PML: variants seen among roughly 807,000 people sequenced by gnomAD.
PML encodes protein PML.
Under a neutral mutation model 65.2 loss-of-function variants are expected in PML, and 28 were observed. That is an observed-to-expected ratio of 0.43 (90% CI 0.32 to 0.59). The LOEUF is 0.59. Ranked by LOEUF, PML falls within the 20% of genes least tolerant of loss-of-function variation. The probability of loss-of-function intolerance (pLI) is 0.08; values close to 1 mark genes in which losing one functional copy is unlikely to be tolerated. For missense variants in PML, 1,021 were observed against 1,203.4 expected (o/e 0.85, Z 2.24); for synonymous variants, 500 against 508.8 (o/e 0.98, Z 0.23).
At chr15:74,007,112 G>A (rs1462292221) in intron 2 of PML, among the ~76,000 whole-genome samples, 4 of 152,174 alleles carry the variant, frequency 2.6e-5, no homozygotes, top group East Asian at 1.9e-4. Flanking sequence ...TTCCATCTTC[G>A]TGGCTGTAAA....
In PML at chr15:74,035,307, A is replaced by G. The variant is rs1263056585; in HGVS notation, c.1710+777A>G. ...AGGAGCCTCCAGCCTGCCCTGTGGCACATACCACCCCCCAGCTTGGCCTCC... is the reference window on the plus strand; with the variant it reads ...AGGAGCCTCCAGCCTGCCCTGTGGCGCATACCACCCCCCAGCTTGGCCTCC... On this transcript the variant is annotated intron_variant, in intron 7 of 8. Transcript: ENST00000268058. The surrounding 1 kb of genome is among the most constrained non-coding windows in gnomAD (Gnocchi z 4.1). The G allele has an allele frequency of 1.2e-6, 2 of 1,612,978 alleles. No homozygotes were observed. Among genetic ancestry groups the G allele is most frequent in the East Asian group, 4.5e-5 (2 of 44,836 alleles).
chr15:74,020,721 C>T (rs1405717294), intron 2 of PML, among the ~76,000 whole-genome samples: 2 of 152,128 alleles, frequency 1.3e-5, no homozygotes, highest in Non-Finnish European at 2.9e-5. Context: ...TGTCAGCAGG[C>T]TTTGCTCCTT....
chr15:74,043,496 C>A lies in PML; in HGVS notation c.1861+357C>A. 1.7e-6 allele frequency: 1 copy of A among 577,518 alleles called. No homozygotes were observed. The highest frequency in any genetic ancestry group is 2.2e-6 in the Non-Finnish European group (1 of 457,042). 35.8% of individuals were successfully genotyped at this position (577,518 alleles called of 1,614,324 possible). A position where few individuals can be genotyped will look rare whatever the true frequency, so the allele number is the denominator to read the frequency against. On this transcript the variant is annotated intron_variant, in intron 8 of 8. Transcript: ENST00000268058. This position sits in a 1 kb window ranked among gnomAD's most constrained non-coding sequence, Gnocchi z 4.3. Reference sequence around the variant, plus strand: ...CCTGTCATCCAAGTAAGGCCTCTGGCTGTGCTACACGTTTCTGAGTAGAGG... The same window carrying A: ...CCTGTCATCCAAGTAAGGCCTCTGGATGTGCTACACGTTTCTGAGTAGAGG...
chr15:74,035,430 T>A lies in PML; in HGVS notation c.1710+900T>A. On this transcript the variant is annotated intron_variant, in intron 7 of 8. Coordinates refer to ENST00000268058, the MANE Select transcript of PML (RefSeq NM_033238.3). This position sits in a 1 kb window ranked among gnomAD's most constrained non-coding sequence, Gnocchi z 4.1. The stretch of plus-strand genomic sequence containing the variant: ...CCCTGCCGTCCACCGTGGGATCCGC[T>A]ACCTGTTGTACAGAGCACAGAGAGC... 1.2e-6 allele frequency: 2 copies of A among 1,612,252 alleles called. No homozygotes were observed. The highest frequency in any genetic ancestry group is 1.7e-6 in the Non-Finnish European group (2 of 1,179,990).
At position 74,035,403 on chromosome 15, in the gene PML, C is replaced by T. The variant is rs200988291; in HGVS notation, c.1710+873C>T. 9 of 1,611,758 alleles carry T rather than the reference C, an allele frequency of 5.6e-6. No individual in the cohort carries two copies. The highest frequency in any genetic ancestry group is 2.2e-5 in the South Asian group (2 of 91,078). ...CAGCGAGCCTCCTGATCACCAGGAG[C>T]GCCCTGCCGTCCACCGTGGGATCCG... is the stretch of plus-strand genomic sequence containing the variant. On this transcript the variant is annotated intron_variant, in intron 7 of 8. Transcript: ENST00000268058. The surrounding 1 kb of genome is among the most constrained non-coding windows in gnomAD (Gnocchi z 4.1).
chr15:74,023,807 C>A (rs896325302), intron 3 of PML, among the ~76,000 whole-genome samples: 1 of 152,112 alleles, frequency 6.6e-6, no homozygotes, highest in Admixed American at 6.5e-5. Context: ...CCTGGGGTTA[C>A]GGTAGAAGGG....
intron 2 of PML, among the ~76,000 whole-genome samples, chr15:74,019,051 T>G (rs897937330): frequency 3.9e-5 from 6 of 152,184 alleles, no homozygotes; most frequent in Non-Finnish European, 1.5e-5. Flanking sequence ...GATCTGCACC[T>G]CAGTCTTACC....
rs2141833339 is a variant in PML at position 74,022,906 on chromosome 15, C to T, written c.681C>T (p.Cys227=). Residue 227 remains cysteine, a synonymous_variant, in exon 3 of 9, where the codon TGC becomes TGT. Transcript: ENST00000268058. Reference sequence around the variant, plus strand: ...ACAGCAGCCACAGTGAGCTCAAGTGCGACATCAGCGCAGAGATCCAGCAGC... The same window carrying T: ...ACAGCAGCCACAGTGAGCTCAAGTGTGACATCAGCGCAGAGATCCAGCAGC... The part of the protein sequence containing the change: ...LLDSSHSELK[C]DISAEIQQRQ... The T allele has an allele frequency of 6.2e-7, 1 of 1,612,950 alleles. No homozygotes were observed. The highest frequency in any genetic ancestry group is 1.1e-5 in the South Asian group (1 of 90,898).
chr15:74,044,087 A>G, intron 8 of PML, 134 bp from the exon 9 acceptor site: 1 of 804,176 alleles, frequency 1.2e-6, no homozygotes, highest in Non-Finnish European at 2.1e-6. Flanking sequence ...TTGGGGGCTG[A>G]TGTGTGGCTA....
chr15:74,006,165 T>C (rs921055481), intron 2 of PML, among the ~76,000 whole-genome samples: 1 of 151,862 alleles, frequency 6.6e-6, no homozygotes, highest in Non-Finnish European at 1.5e-5. Context: ...CTGAGGTGGG[T>C]GGATCACCTG....
chr15:74,013,250 CTAA>C (rs1243446548), intron 2 of PML, among the ~76,000 whole-genome samples: 1 of 152,014 alleles, frequency 6.6e-6, no homozygotes, highest in Non-Finnish European at 1.5e-5. Flanking sequence ...TGCTCTATTA[CTAA>C]TAATATCACA....
At chr15:74,016,538 C>A (rs908719948) in intron 2 of PML, among the ~76,000 whole-genome samples, 16 of 151,910 alleles carry the variant, frequency 1.1e-4, no homozygotes, top group Admixed American at 1.0e-3. Flanking sequence ...CCATTGCTTC[C>A]TATTTAAAGT....
At chr15:74,033,452 C>T (rs543597564) in intron 6 of PML, 38 bp downstream of exon 6, 10 of 1,609,320 alleles carry the variant, frequency 6.2e-6, no homozygotes, top group East Asian at 2.2e-5. Context: ...GGGTGCTGCC[C>T]GCCAGGGTCT....
In PML at chr15:73,994,810, T is replaced by A; in HGVS notation, c.-3T>A. The A allele has an allele frequency of 3.2e-6, 5 of 1,552,438 alleles. No homozygotes were observed. Among genetic ancestry groups the A allele is most frequent in the Non-Finnish European group, 3.5e-6 (4 of 1,148,102 alleles). On this transcript the variant is annotated 5_prime_UTR_variant, in exon 1 of 9. Transcript: ENST00000268058. Reference sequence around the variant, plus strand: ...ACCGAGAATCGAAACTAAGCTGGGGTCCATGGAGCCTGCACCCGCCCGATC... The same window carrying A: ...ACCGAGAATCGAAACTAAGCTGGGGACCATGGAGCCTGCACCCGCCCGATC...
intron 2 of PML, among the ~76,000 whole-genome samples, chr15:74,005,958 T>C (rs2070025678): frequency 6.6e-6 from 1 of 152,186 alleles, no homozygotes; most frequent in African/African-American, 2.4e-5. Context: ...TGGTGTCAGC[T>C]TGTAAGTAGT....
In PML at chr15:74,047,071, A is replaced by T. The variant is rs1403193072; in HGVS notation, c.*2063A>T. ...TGGCAGGAAAGAAGCACCGATTTCA[A>T]GAATTACTTCCTAGAGAAAGTCAGG... On this transcript the variant is annotated 3_prime_UTR_variant, in exon 9 of 9. Coordinates refer to ENST00000268058, the MANE Select transcript of PML (RefSeq NM_033238.3). 4.3e-6 allele frequency: 1 copy of T among 230,288 alleles called. No homozygotes were observed. The highest frequency in any genetic ancestry group is 2.2e-5 in the African/African-American group (1 of 45,180). The allele number at this position is 230,288 out of a possible 1,614,324, so 14.3% of individuals were successfully genotyped here. A position where few individuals can be genotyped will look rare whatever the true frequency, so the allele number is the denominator to read the frequency against.
chr15:73,997,984 C>G lies in PML; in HGVS notation c.130-20C>G. 1 of 1,608,336 alleles carries G rather than the reference C, an allele frequency of 6.2e-7. No homozygotes were observed. The highest frequency in any genetic ancestry group is 8.5e-7 in the Non-Finnish European group (1 of 1,176,606). ...CTTTTGGGACTTCTCCAGGCCTCAC[C>G]TGCCTCTCTGGTCCCCCAGCGAGCC... On this transcript the variant is annotated intron_variant, in intron 1 of 8. Transcript: ENST00000268058.
Position 74,043,660 on chromosome 15 carries a change from C to G in PML, c.1861+521C>G, listed in dbSNP as rs1401491920. On this transcript the variant is annotated intron_variant, in intron 8 of 8. Coordinates refer to ENST00000268058, the MANE Select transcript of PML (RefSeq NM_033238.3). This position sits in a 1 kb window ranked among gnomAD's most constrained non-coding sequence, Gnocchi z 4.3. ...AAATGCCCCTCCTTGAGCCAGAGCC[C>G]CAGGCCCTACCCTGTGGCATGGACT... 1 of 518,408 alleles carries G rather than the reference C, an allele frequency of 1.9e-6. No homozygotes were observed. The highest frequency in any genetic ancestry group is 3.8e-6 in the Non-Finnish European group (1 of 263,182). 32.1% of individuals were successfully genotyped at this position (518,408 alleles called of 1,614,324 possible).
chr15:73,997,321 C>T (rs1363624893), intron 1 of PML, among the ~76,000 whole-genome samples: 2 of 152,246 alleles, frequency 1.3e-5, no homozygotes, highest in African/African-American at 4.8e-5. Flanking sequence ...CCCTATTCTC[C>T]TGCCTCAGAA....
Sources: gnomAD v4.1 joint callset for allele counts (sites outside exome capture counted in the v4.1 genomes callset) on GRCh38, gnomAD v4.1.1 for gene constraint, Gnocchi (gnomAD v3.1) non-coding constraint, MANE v1.5 for transcripts, NCBI Gene and HGNC (gene_info 2026-07-23, HGNC 2026-07-21) for gene names.